KCNG3: variants seen among roughly 807,000 people sequenced by gnomAD.
KCNG3 encodes potassium voltage-gated channel modifier subfamily G member 3, also known as voltage-gated potassium channel regulatory subunit KCNG3.
Under a neutral mutation model 29.0 loss-of-function variants are expected in KCNG3, and 15 were observed. The ratio of observed to expected loss-of-function variants is 0.52; its 90% CI spans 0.35 to 0.80. The LOEUF (loss-of-function observed/expected upper bound fraction) is 0.80. KCNG3 is among the 30% of genes least tolerant of loss of function. The pLI is 0.01. For synonymous variants in KCNG3, 322 were observed against 248.9 expected, an observed-to-expected ratio of 1.29 and a Z score of -2.76; for missense variants, 512 against 605.7, an observed-to-expected ratio of 0.85 and a Z score of 1.62.
chr2:42,398,616 A>G, the KCNG3 span, among the ~76,000 whole-genome samples: 1 of 152,234 alleles, frequency 6.6e-6, no homozygotes, highest in East Asian at 1.9e-4. Flanking sequence ...TTGCAACAGT[A>G]GAAGGTTCAT....
chr2:42,480,598 G>A (rs1015410710), intron 1 of KCNG3, among the ~76,000 whole-genome samples: 2 of 151,934 alleles, frequency 1.3e-5, no homozygotes, highest in Non-Finnish European at 2.9e-5. Flanking sequence ...ACTAAAATGT[G>A]AATGTCATGT....
intron 1 of KCNG3, among the ~76,000 whole-genome samples, chr2:42,457,669 A>AC (rs1553327832): frequency 1.5e-4 from 21 of 144,590 alleles, no homozygotes; most frequent in South Asian, 4.4e-4. Context: ...ACACACACAC[A>AC]AGGCTGGGCG....
intron 1 of KCNG3, among the ~76,000 whole-genome samples, chr2:42,469,510 G>T (rs1673233270): frequency 6.6e-6 from 1 of 151,818 alleles, no homozygotes. Context: ...CTTCAGATTA[G>T]TGAAGTACAT....
At chr2:42,475,896 G>A (rs966211218) in intron 1 of KCNG3, among the ~76,000 whole-genome samples, 15 of 151,980 alleles carry the variant, frequency 9.9e-5, no homozygotes, top group Non-Finnish European at 1.6e-4. Context: ...GTGAAACCCC[G>A]TATCTACTAA....
chr2:42,405,702 G>T, the KCNG3 span, among the ~76,000 whole-genome samples: 1 of 152,032 alleles, frequency 6.6e-6, no homozygotes, highest in African/African-American at 2.4e-5. Flanking sequence ...CCGCCTCCCG[G>T]GTTCACGCCA....
the KCNG3 span, among the ~76,000 whole-genome samples, chr2:42,430,146 C>T: frequency 6.6e-6 from 1 of 152,078 alleles, no homozygotes; most frequent in Non-Finnish European, 1.5e-5. Context: ...GCAGGCAGAT[C>T]ACTTGAGCTC....
intron 1 of KCNG3, among the ~76,000 whole-genome samples, chr2:42,454,601 A>G (rs1348102234): frequency 6.6e-6 from 1 of 151,954 alleles, no homozygotes; most frequent in African/African-American, 2.4e-5. Flanking sequence ...AATCCCAGCT[A>G]CTCGGGAGGC....
chr2:42,407,040 A>G, the KCNG3 span, among the ~76,000 whole-genome samples: 2 of 152,120 alleles, frequency 1.3e-5, no homozygotes, highest in African/African-American at 4.8e-5. Context: ...AAAACAAAAC[A>G]CAAAACACTT....
rs761246748 is a variant in KCNG3, at chr2:42,493,103, G to T, written c.399C>A (p.Gly133=). Reference sequence around the variant, plus strand: ...GGCGCGCCTCGTCGCGGCCCAGCACGCCCGGCTCGTCGGCCGAGTAGAAGG... The same window carrying T: ...GGCGCGCCTCGTCGCGGCCCAGCACTCCCGGCTCGTCGGCCGAGTAGAAGG... The part of the protein sequence containing the change: ...TYTFYSADEP[G]VLGRDEARPG... The change falls in exon 1 of 2, where the codon GGC becomes GGA. Residue 133 remains glycine, a synonymous_variant. Coordinates refer to ENST00000306078, the MANE Select transcript of KCNG3 (RefSeq NM_133329.6). 2 of 1,586,868 alleles carry T rather than the reference G, an allele frequency of 1.3e-6. No individual in the cohort carries two copies. The highest frequency in any genetic ancestry group is 8.5e-7 in the Non-Finnish European group (1 of 1,171,040).
chr2:42,448,196 T>C (rs141206644), intron 1 of KCNG3, among the ~76,000 whole-genome samples: 1 of 152,266 alleles, frequency 6.6e-6, no homozygotes, highest in East Asian at 1.9e-4. Flanking sequence ...TCAGAAACAG[T>C]AGGAATATCC....
At chr2:42,467,312 A>C (rs1673165259) in intron 1 of KCNG3, among the ~76,000 whole-genome samples, 1 of 152,162 alleles carries the variant, frequency 6.6e-6, no homozygotes, top group South Asian at 2.1e-4. Flanking sequence ...AGCATGAATA[A>C]TTCCTATTTT....
At chr2:42,490,028 A>G (rs927681055) in intron 1 of KCNG3, among the ~76,000 whole-genome samples, 1 of 152,136 alleles carries the variant, frequency 6.6e-6, no homozygotes, top group Non-Finnish European at 1.5e-5. Context: ...TGCATAACCC[A>G]TTTACCCTAA....
intron 1 of KCNG3, among the ~76,000 whole-genome samples, chr2:42,478,913 T>C (rs1480513049): frequency 1.3e-5 from 2 of 152,122 alleles, no homozygotes; most frequent in Non-Finnish European, 2.9e-5. Context: ...AGGTTGAGTA[T>C]CTCTTCTAAT....
chr2:42,403,847 C>A, the KCNG3 span, among the ~76,000 whole-genome samples: 2 of 151,988 alleles, frequency 1.3e-5, no homozygotes, highest in East Asian at 3.9e-4. Flanking sequence ...GTGATCCCCC[C>A]ATCTAGGCCT....
intron 1 of KCNG3, among the ~76,000 whole-genome samples, chr2:42,453,269 C>T (rs767460353): frequency 6.6e-6 from 1 of 152,182 alleles, no homozygotes; most frequent in Non-Finnish European, 1.5e-5. Flanking sequence ...TTTTAAGGAA[C>T]CTCCAAACTG....
At chr2:42,419,751 C>A in the KCNG3 span, among the ~76,000 whole-genome samples, 1 of 152,160 alleles carries the variant, frequency 6.6e-6, no homozygotes, top group Non-Finnish European at 1.5e-5. Context: ...ATAACTTCAA[C>A]AGAATAAAAT....
the KCNG3 span, among the ~76,000 whole-genome samples, chr2:42,428,122 T>C: frequency 2.0e-5 from 3 of 152,134 alleles, no homozygotes; most frequent in Non-Finnish European, 4.4e-5. Flanking sequence ...ATAGAAAGTA[T>C]TCATCATCCC....
intron 1 of KCNG3, among the ~76,000 whole-genome samples, chr2:42,454,905 T>C (rs1672842431): frequency 2.0e-5 from 3 of 151,518 alleles, no homozygotes; most frequent in Admixed American, 6.6e-5. Flanking sequence ...AAGAGAAGAG[T>C]TGTTTGATGG....
At chr2:42,440,453 T>TG (rs1201293029), downstream of KCNG3, 1 of 149,562 alleles carries the variant, frequency 6.7e-6, no homozygotes, top group Non-Finnish European at 1.5e-5. Flanking sequence ...TTTCAAATAT[T>TG]GTTTTGCATC....
Sources: allele counts gnomAD v4.1 joint callset (sites outside exome capture counted in the v4.1 genomes callset), GRCh38; gene constraint gnomAD v4.1.1; transcripts MANE v1.5; gene names NCBI Gene and HGNC (gene_info 2026-07-23, HGNC 2026-07-21).